Variants in PKHD1L1 observed in about 807,000 individuals in gnomAD.
PKHD1L1 encodes fibrocystin-L.
In PKHD1L1, 434 loss-of-function variants were observed where a neutral mutation model predicts 462.9. The ratio of observed to expected loss-of-function variants is 0.94; its 90% confidence interval spans 0.87 to 1.02. The LOEUF is 1.02. Among genes scored for constraint, PKHD1L1 ranks in the 50% least tolerant of loss-of-function variants. The pLI is 0.00. For missense variants in PKHD1L1, 5,202 were observed against 5,096.1 expected (o/e 1.02, Z -0.63); for synonymous variants, 1,781 against 1,750.0 (o/e 1.02, Z -0.44).
Position 109,384,824 on chromosome 8 carries a change from T to C in PKHD1L1, c.475+697T>C, listed in dbSNP as rs192775290. 2.1e-3 allele frequency among the ~76,000 whole-genome samples: 326 copies of C among 152,258 alleles called. 5 individuals carry two copies. The South Asian group carries it at 0.034, about 16-fold the overall frequency. On this transcript the variant is annotated intron_variant, in intron 5 of 77. Coordinates refer to ENST00000378402, the MANE Select transcript of PKHD1L1 (RefSeq NM_177531.6). Reference sequence around the variant, plus strand: ...TGTAATTAAACTTATTTTTTGCCTATTGACCATTTGTATTCCTTCTTTTAT... The same window carrying C: ...TGTAATTAAACTTATTTTTTGCCTACTGACCATTTGTATTCCTTCTTTTAT...
chr8:109,434,883 GT>G (rs33943770), intron 28 of PKHD1L1, among the ~76,000 whole-genome samples: 21,866 of 150,558 alleles, frequency 0.15, 4,829 homozygotes, highest in African/African-American at 0.48. Flanking sequence ...TTATAAACTA[GT>G]TTTTTTTTTA....
chr8:109,432,675 A>T (rs1297791406), intron 27 of PKHD1L1, among the ~76,000 whole-genome samples: 2 of 152,148 alleles, frequency 1.3e-5, no homozygotes, highest in Non-Finnish European at 2.9e-5. Flanking sequence ...TAAACAGAAG[A>T]ATCTTATTTT....
At chr8:109,470,256 C>T (rs1356730393) in intron 50 of PKHD1L1, 14 of 1,400,838 alleles carry the variant, frequency 1.0e-5, no homozygotes, top group Non-Finnish European at 1.4e-5. Flanking sequence ...ATCATGAAAA[C>T]AAATACTGTG....
At chr8:109,479,876 T>C in intron 54 of PKHD1L1, 115 bp from the exon 55 acceptor site, 3 of 1,057,756 alleles carry the variant, frequency 2.8e-6, no homozygotes, top group Admixed American at 3.2e-5. Context: ...AGGTATTATA[T>C]GAAAAGACAT....
chr8:109,501,469 T>G (rs1442588112), intron 67 of PKHD1L1, among the ~76,000 whole-genome samples: 3 of 152,230 alleles, frequency 2.0e-5, no homozygotes, highest in Non-Finnish European at 4.4e-5. Flanking sequence ...TCAGTACTAC[T>G]CAGCATGAAT....
chr8:109,444,661 G>C lies in PKHD1L1; in HGVS notation c.4792G>C (p.Val1598Leu). 1 of 1,609,170 alleles carries C rather than the reference G, an allele frequency of 6.2e-7. No homozygotes were observed. Among genetic ancestry groups the C allele is most frequent in the Non-Finnish European group, 8.5e-7 (1 of 1,176,626 alleles). The change falls in exon 38 of 78, where the codon GTT becomes CTT. Residue 1598 changes from valine (V) to leucine (L), a missense_variant and splice_region_variant. By Grantham distance (32) the Val-to-Leu change is conservative. Coordinates refer to ENST00000378402, the MANE Select transcript of PKHD1L1 (RefSeq NM_177531.6). ...GFSNLPWANKVTIGSYPCVVE... is the reference protein window; with the variant it reads ...GFSNLPWANKLTIGSYPCVVE... ...TATTTTGTATTCATTTTACTTACAG[G>C]TTACAATTGGTAGCTACCCCTGTGT... is the stretch of plus-strand genomic sequence containing the variant.
intron 50 of PKHD1L1, chr8:109,470,915 G>C: frequency 1.3e-6 from 2 of 1,589,714 alleles, no homozygotes; most frequent in Non-Finnish European, 8.6e-7. Context: ...AGCCTGGGGA[G>C]AGAGAAATGA....
intron 1 of PKHD1L1, 57 bp downstream of exon 1, chr8:109,362,710 C>T: frequency 1.3e-6 from 2 of 1,533,458 alleles, no homozygotes; most frequent in Non-Finnish European, 8.8e-7. Flanking sequence ...AGACACTACC[C>T]CTGCTCCCGG....
chr8:109,500,541 C>T (rs1174804003), intron 67 of PKHD1L1, among the ~76,000 whole-genome samples: 1 of 57,684 alleles, frequency 1.7e-5, no homozygotes, highest in South Asian at 9.6e-4. Context: ...AAAAAAAAAC[C>T]TAGCTGGGCA....
chr8:109,524,171 T>C (rs1036366841), intron 76 of PKHD1L1, among the ~76,000 whole-genome samples: 6 of 152,106 alleles, frequency 3.9e-5, no homozygotes, highest in Non-Finnish European at 5.9e-5. Context: ...AAGGCCTCCA[T>C]TGTTCTGTTT....
intron 21 of PKHD1L1, among the ~76,000 whole-genome samples, chr8:109,416,180 CA>C (rs1268659549): frequency 1.3e-5 from 2 of 152,044 alleles, no homozygotes; most frequent in Admixed American, 6.6e-5. Flanking sequence ...TCAGGAAACA[CA>C]AAAGTCATGC....
chr8:109,489,820 C>T lies in PKHD1L1; in HGVS notation c.9881-132C>T, dbSNP rs953570329. The stretch of plus-strand genomic sequence containing the variant: ...TGAAAAGAGGTCTGAGAAATACTAC[C>T]TCTTCTGGATTAAAGGAGCAAAGAA... On this transcript the variant is annotated intron_variant, in intron 59 of 77. Coordinates refer to ENST00000378402, the MANE Select transcript of PKHD1L1 (RefSeq NM_177531.6). The T allele has an allele frequency of 1.1e-5, 7 of 648,726 alleles. No individual in the cohort carries two copies. The Admixed American group carries it at 1.7e-4, about 16-fold the overall frequency. 40.2% of individuals were successfully genotyped at this position (648,726 alleles called of 1,614,324 possible). A position where few individuals can be genotyped will look rare whatever the true frequency, so the allele number is the denominator to read the frequency against.
At chr8:109,365,921 C>A (rs544188675) in intron 2 of PKHD1L1, among the ~76,000 whole-genome samples, 1 of 152,144 alleles carries the variant, frequency 6.6e-6, no homozygotes, top group Non-Finnish European at 1.5e-5. Context: ...TTGCAGTGAG[C>A]CGAGATCGCG....
At chr8:109,397,523 G>GA (rs899480255) in intron 11 of PKHD1L1, among the ~76,000 whole-genome samples, 2 of 144,876 alleles carry the variant, frequency 1.4e-5, no homozygotes, top group Non-Finnish European at 3.1e-5. Flanking sequence ...AAAAAAGAAA[G>GA]AAAAAAAAGA....
rs182056196 is a variant in PKHD1L1 at position 109,464,736 on chromosome 8, C to T, written c.7904C>T (p.Thr2635Met). The part of the protein sequence containing the change: ...WIFEEYFPMQ[T>M]GSCTSTVPAP... ...TTTGAGGAATATTTCCCCATGCAAA[C>T]GGGATCTTGTACATCTACAGTGCCT... Residue 2635 changes from threonine to methionine, a missense_variant, in exon 49 of 78, where the codon ACG (threonine) becomes ATG (methionine). Physicochemically the swap from Thr to Met is moderately conservative, Grantham distance 81 (BLOSUM62 -1). Transcript: ENST00000378402. 1.5e-3 allele frequency: 2,409 copies of T among 1,613,790 alleles called. 7 individuals are homozygous for T. The highest frequency in any genetic ancestry group is 1.7e-3 in the South Asian group (157 of 91,070).
rs756459694 is a variant in PKHD1L1 at position 109,533,033 on chromosome 8, A to G, written c.*2943A>G. Reference sequence around the variant, plus strand: ...TGTTGAAGGGTTAGGTTAAATTCCCAAGTTCACAGAGCTACTAATGGTAAA... The same window carrying G: ...TGTTGAAGGGTTAGGTTAAATTCCCGAGTTCACAGAGCTACTAATGGTAAA... On this transcript the variant is annotated 3_prime_UTR_variant, in exon 78 of 78. Coordinates refer to ENST00000378402, the MANE Select transcript of PKHD1L1 (RefSeq NM_177531.6). Among the ~76,000 whole-genome samples, 1 of 152,264 alleles carries G rather than the reference A, an allele frequency of 6.6e-6. No individual in the cohort carries two copies. The highest frequency in any genetic ancestry group is 2.4e-5 in the African/African-American group (1 of 41,470).
intron 21 of PKHD1L1, among the ~76,000 whole-genome samples, chr8:109,417,207 T>C (rs1814221422): frequency 1.3e-5 from 2 of 152,156 alleles, no homozygotes; most frequent in Non-Finnish European, 2.9e-5. Flanking sequence ...TATAATTTGA[T>C]TGTTTATAAC....
intron 2 of PKHD1L1, among the ~76,000 whole-genome samples, chr8:109,375,654 G>C (rs917723153): frequency 6.6e-6 from 1 of 152,112 alleles, no homozygotes; most frequent in Non-Finnish European, 1.5e-5. Context: ...GGTCTTTGAT[G>C]ATGGTGACGT....
At chr8:109,410,160 C>T (rs1321741967) in intron 19 of PKHD1L1, among the ~76,000 whole-genome samples, 182 bp downstream of exon 19, 1 of 152,090 alleles carries the variant, frequency 6.6e-6, no homozygotes, top group Non-Finnish European at 1.5e-5. Flanking sequence ...GTACTGCCGT[C>T]TATGATTCGT....
Sources: gnomAD v4.1 joint callset for allele counts (sites outside exome capture counted in the v4.1 genomes callset) on GRCh38, gnomAD v4.1.1 for gene constraint, MANE v1.5 for transcripts, NCBI Gene and HGNC (gene_info 2026-07-23, HGNC 2026-07-21) for gene names.